Variants in SLC2A13 observed in about 807,000 individuals in gnomAD.
SLC2A13 encodes proton myo-inositol cotransporter.
In SLC2A13, 32 loss-of-function variants were observed where a neutral mutation model predicts 64.4. That is an observed-to-expected ratio of 0.50 (90% CI 0.37 to 0.67). The LOEUF (loss-of-function observed/expected upper bound fraction) is 0.67, where lower values mean the gene tolerates loss of function less well. Ranked by LOEUF, SLC2A13 falls within the 30% of genes least tolerant of loss-of-function variation. The probability of loss-of-function intolerance (pLI) is 0.00; values close to 1 mark genes in which losing one functional copy is unlikely to be tolerated. For synonymous variants in SLC2A13, 338 were observed against 327.1 expected (o/e 1.03, Z -0.36); for missense variants, 743 against 829.2 (o/e 0.90, Z 1.28).
At chr12:40,065,360 T>C (rs937380933) in intron 1 of SLC2A13, among the ~76,000 whole-genome samples, 6 of 152,002 alleles carry the variant, frequency 3.9e-5, no homozygotes, top group African/African-American at 7.2e-5. Context: ...GGCAGAAGGA[T>C]TGCCTGAGCT....
At chr12:39,783,557 G>A (rs997466899) in intron 7 of SLC2A13, among the ~76,000 whole-genome samples, 2 of 152,106 alleles carry the variant, frequency 1.3e-5, no homozygotes, top group East Asian at 1.9e-4. Flanking sequence ...TTTAATGATC[G>A]CCATTCTAAC....
chr12:39,960,770 C>G (rs1339213700), intron 3 of SLC2A13, among the ~76,000 whole-genome samples: 5 of 90,790 alleles, frequency 5.5e-5, no homozygotes, highest in African/African-American at 1.9e-4. Context: ...TTTTTCAAGA[C>G]AGAGTCTTAC....
chr12:39,980,706 C>G (rs1406662858), intron 3 of SLC2A13, among the ~76,000 whole-genome samples: 2 of 151,924 alleles, frequency 1.3e-5, no homozygotes, highest in African/African-American at 4.8e-5. Flanking sequence ...GAGACTTAGA[C>G]TCCCACACAA....
chr12:39,774,575 T>C lies in SLC2A13; in HGVS notation c.1446-9717A>G, dbSNP rs533175495. Among the ~76,000 whole-genome samples the C allele has an allele frequency of 2.3e-5, 3 of 131,210 alleles. No homozygotes were observed. In the South Asian group the frequency reaches 7.6e-4, roughly 33 times the overall value. 86.1% of individuals were successfully genotyped at this position (131,210 alleles called of 152,430 possible). A position where few individuals can be genotyped will look rare whatever the true frequency, so the allele number is the denominator to read the frequency against. ...AATCCTGCCCTTGAATGATTTCCCA[T>C]TGTCCAGCCTTTTTTTTTTTTTTTT... On this transcript the variant is annotated intron_variant, in intron 7 of 9. Transcript: ENST00000280871.
Position 39,876,173 on chromosome 12 carries a change from T to A in SLC2A13, c.1035-4212A>T, listed in dbSNP as rs755713458. On this transcript the variant is annotated intron_variant, in intron 4 of 9. Transcript: ENST00000280871. The stretch of plus-strand genomic sequence containing the variant: ...AAGGTTTGCAACTCTCTGTAGACAT[T>A]TAAGAACAGCCAAGGCCGGAAATCT... Among the ~76,000 whole-genome samples, 132 of 152,188 alleles carry A rather than the reference T, an allele frequency of 8.7e-4. 2 individuals are homozygous for A. Among genetic ancestry groups the A allele is most frequent in the Non-Finnish European group, 9.4e-4 (64 of 68,024 alleles).
At chr12:39,814,348 A>G (rs1942279041) in intron 7 of SLC2A13, among the ~76,000 whole-genome samples, 1 of 152,190 alleles carries the variant, frequency 6.6e-6, no homozygotes. Flanking sequence ...CTGTTTTTAA[A>G]AACTAGCCTA....
chr12:39,862,124 A>G (rs537015827), intron 6 of SLC2A13, among the ~76,000 whole-genome samples: 3 of 152,214 alleles, frequency 2.0e-5, no homozygotes, highest in Non-Finnish European at 4.4e-5. Flanking sequence ...TCTTTAATAC[A>G]TTCAGTCCAG....
At chr12:40,032,538 C>G (rs1281345860) in intron 2 of SLC2A13, among the ~76,000 whole-genome samples, 1 of 152,174 alleles carries the variant, frequency 6.6e-6, no homozygotes, top group East Asian at 1.9e-4. Context: ...CAACAAAGAA[C>G]AATCCCACCA....
At chr12:39,942,967 A>G (rs1946063581) in intron 4 of SLC2A13, among the ~76,000 whole-genome samples, 1 of 151,872 alleles carries the variant, frequency 6.6e-6, no homozygotes, top group Non-Finnish European at 1.5e-5. Flanking sequence ...GTTGATGTTG[A>G]TGCTATTCCT....
At chr12:40,034,827 T>C (rs1947954133) in intron 2 of SLC2A13, among the ~76,000 whole-genome samples, 1 of 152,176 alleles carries the variant, frequency 6.6e-6, no homozygotes, top group Non-Finnish European at 1.5e-5. Flanking sequence ...GAAGATGTAT[T>C]GTGTTTGCTT....
chr12:39,880,828 C>A (rs916123244), intron 4 of SLC2A13, among the ~76,000 whole-genome samples: 3 of 152,212 alleles, frequency 2.0e-5, no homozygotes, highest in Admixed American at 6.5e-5. Flanking sequence ...ACATCACTGA[C>A]TTTCCTTTAA....
At chr12:39,955,504 T>A (rs770477984) in intron 3 of SLC2A13, among the ~76,000 whole-genome samples, 1 of 152,062 alleles carries the variant, frequency 6.6e-6, no homozygotes, top group Non-Finnish European at 1.5e-5. Context: ...GAAAAATCCA[T>A]AAAACCAAAA....
rs1192440390 is a variant in SLC2A13 at position 39,764,451 on chromosome 12, T to C, written c.1720+9A>G. ...AAACAAAACTATGTTAGAAAAAATA[T>C]TATCTTACCATAGTATGTAAGATAC... is the stretch of plus-strand genomic sequence containing the variant. On this transcript the variant is annotated intron_variant, in intron 9 of 9. Transcript: ENST00000280871. 3.2e-6 allele frequency: 5 copies of C among 1,552,808 alleles called. No individual in the cohort carries two copies. The highest frequency in any genetic ancestry group is 4.3e-6 in the Non-Finnish European group (5 of 1,155,978).
intron 4 of SLC2A13, among the ~76,000 whole-genome samples, chr12:39,911,836 G>T (rs1044304570): frequency 2.0e-5 from 3 of 152,024 alleles, no homozygotes; most frequent in African/African-American, 7.3e-5. Flanking sequence ...GAACAGACAG[G>T]GTAGGAAAGG....
chr12:39,790,719 A>C (rs368786986), intron 7 of SLC2A13, among the ~76,000 whole-genome samples: 1,345 of 85,984 alleles, frequency 0.016, 16 homozygotes, highest in Non-Finnish European at 0.025. Flanking sequence ...ATTTATAGTC[A>C]TTTGGGTATA....
intron 6 of SLC2A13, among the ~76,000 whole-genome samples, chr12:39,859,382 G>A (rs1214720629): frequency 1.4e-5 from 2 of 140,606 alleles, no homozygotes; most frequent in African/African-American, 5.4e-5. Flanking sequence ...GTTCTTAATG[G>A]AAGATGTACT....
chr12:39,863,796 T>A (rs1943830633), intron 6 of SLC2A13, among the ~76,000 whole-genome samples: 1 of 152,180 alleles, frequency 6.6e-6, no homozygotes, highest in African/African-American at 2.4e-5. Context: ...AACCAATATA[T>A]CTTCCTCACT....
rs139386459 is a variant in SLC2A13, at chr12:39,877,413, A to G, written c.1035-5452T>C. 6.5e-3 allele frequency among the ~76,000 whole-genome samples: 990 copies of G among 152,302 alleles called. 2 individuals are homozygous for G. Among genetic ancestry groups the G allele is most frequent in the Non-Finnish European group, 0.011 (776 of 68,008 alleles). On this transcript the variant is annotated intron_variant, in intron 4 of 9. Transcript: ENST00000280871. ...AATTGGAACCCCCCCTCCATGATTCAATTACCTCCCATTGAGTCCTTCCCA... is the reference window on the plus strand; with the variant it reads ...AATTGGAACCCCCCCTCCATGATTCGATTACCTCCCATTGAGTCCTTCCCA...
intron 7 of SLC2A13, among the ~76,000 whole-genome samples, chr12:39,773,985 C>T (rs891023676): frequency 7.9e-5 from 12 of 152,130 alleles, no homozygotes; most frequent in South Asian, 4.1e-4. Context: ...CAGTTCCTGA[C>T]GCAGGACTGT....
Sources: gnomAD v4.1 joint callset for allele counts (sites outside exome capture counted in the v4.1 genomes callset) on GRCh38, gnomAD v4.1.1 for gene constraint, MANE v1.5 for transcripts, NCBI Gene and HGNC (gene_info 2026-07-23, HGNC 2026-07-21) for gene names.